CCAR1: variants seen among roughly 807,000 people sequenced by gnomAD.
CCAR1 encodes cell division cycle and apoptosis regulator 1.
A neutral mutation model predicts 163.8 loss-of-function variants in CCAR1; 78 were observed. That is an observed-to-expected ratio of 0.48 (90% CI 0.40 to 0.57). The LOEUF (loss-of-function observed/expected upper bound fraction) is 0.57. Among genes scored for constraint, CCAR1 ranks in the 20% least tolerant of loss-of-function variants. The probability of loss-of-function intolerance (pLI) is 0.00; values close to 1 mark genes in which losing one functional copy is unlikely to be tolerated. For missense variants in CCAR1, 1,019 were observed against 1,365.2 expected (o/e 0.75, Z 4.00); for synonymous variants, 443 against 460.7 (o/e 0.96, Z 0.49).
At chr10:68,775,916 C>T (rs967067813) in intron 19 of CCAR1, among the ~76,000 whole-genome samples, 14 of 151,898 alleles carry the variant, frequency 9.2e-5, no homozygotes, top group Middle Eastern at 3.4e-3. Context: ...AGACTGGTCT[C>T]GAACTCCTGA....
intron 2 of CCAR1, among the ~76,000 whole-genome samples, chr10:68,734,262 A>AT (rs1048139641): frequency 1.1e-4 from 16 of 151,792 alleles, no homozygotes; most frequent in African/African-American, 3.1e-4. Flanking sequence ...ATAAGGCAGC[A>AT]TTTTTTTTCA....
intron 16 of CCAR1, 92 bp downstream of exon 16, chr10:68,761,284 A>T (rs1694493): frequency 0.86 from 450,781 of 522,104 alleles, 195,403 homozygotes; most frequent in Admixed American, 0.91. Context: ...TGTGTGTGTA[A>T]GCTTTTATTT....
At chr10:68,730,484 C>T (rs1382174858) in intron 2 of CCAR1, among the ~76,000 whole-genome samples, 1 of 151,006 alleles carries the variant, frequency 6.6e-6, no homozygotes, top group East Asian at 2.0e-4. Flanking sequence ...ACTACAGGCG[C>T]GTGCCACCAT....
chr10:68,779,640 C>T (rs2056711615), intron 19 of CCAR1, among the ~76,000 whole-genome samples: 1 of 152,160 alleles, frequency 6.6e-6, no homozygotes, highest in African/African-American at 2.4e-5. Context: ...AGGAGTTACA[C>T]TTTCATCACT....
Position 68,748,678 on chromosome 10 carries a change from C to G in CCAR1, c.827-458C>G, listed in dbSNP as rs922693627. Among the ~76,000 whole-genome samples, 5 of 151,906 alleles carry G rather than the reference C, an allele frequency of 3.3e-5. No individual in the cohort carries two copies. In the East Asian group the frequency reaches 7.8e-4, roughly 24 times the overall value. On this transcript the variant is annotated intron_variant, in intron 8 of 24. Transcript: ENST00000265872. ...CTAATTTTTGTATCTTTTGTAGAGA[C>G]AGGGTTTCACCATGATGCCCAGGCT...
chr10:68,755,725 G>A (rs2056390674), intron 13 of CCAR1, among the ~76,000 whole-genome samples, 189 bp downstream of exon 13: 1 of 152,170 alleles, frequency 6.6e-6, no homozygotes, highest in Non-Finnish European at 1.5e-5. Context: ...AAGGGATTAA[G>A]AACTAATCAA....
intron 16 of CCAR1, among the ~76,000 whole-genome samples, chr10:68,761,425 G>A (rs1191182118): frequency 6.6e-6 from 1 of 151,982 alleles, no homozygotes; most frequent in Non-Finnish European, 1.5e-5. Flanking sequence ...TCCTGCCTCA[G>A]CCTCCCGAGT....
chr10:68,757,416 A>C (rs374550059), intron 15 of CCAR1, 39 bp downstream of exon 15: 1 of 1,171,914 alleles, frequency 8.5e-7, no homozygotes, highest in Admixed American at 1.8e-5. Context: ...ATTTTTTTCA[A>C]TTAAAAAGTT....
chr10:68,751,179 C>T (rs946276726), intron 10 of CCAR1, among the ~76,000 whole-genome samples: 1 of 151,932 alleles, frequency 6.6e-6, no homozygotes, highest in African/African-American at 2.4e-5. Context: ...AGGAATGCGC[C>T]ACCACACCTG....
At chr10:68,758,036 T>C (rs2056417608) in intron 15 of CCAR1, among the ~76,000 whole-genome samples, 1 of 152,124 alleles carries the variant, frequency 6.6e-6, no homozygotes, top group Admixed American at 6.6e-5. Context: ...CCACCGTGCC[T>C]GGCCGTAATT....
chr10:68,765,542 A>C (rs2056525400), intron 16 of CCAR1, among the ~76,000 whole-genome samples: 1 of 152,060 alleles, frequency 6.6e-6, no homozygotes, highest in Non-Finnish European at 1.5e-5. Flanking sequence ...TTGTCTTTTT[A>C]GTGTGAGGTT....
chr10:68,783,486 T>C (rs2056760917), intron 19 of CCAR1, among the ~76,000 whole-genome samples: 1 of 152,036 alleles, frequency 6.6e-6, no homozygotes, highest in Non-Finnish European at 1.5e-5. Context: ...TCCATGTCTT[T>C]CTGAAGTTCT....
chr10:68,748,026 G>A (rs182514697), intron 8 of CCAR1, among the ~76,000 whole-genome samples: 54 of 152,104 alleles, frequency 3.6e-4, no homozygotes, highest in African/African-American at 1.2e-3. Context: ...GCAAATTTTT[G>A]TATTTTTAGT....
chr10:68,763,881 A>G (rs1033625927), intron 16 of CCAR1, among the ~76,000 whole-genome samples: 4 of 152,106 alleles, frequency 2.6e-5, no homozygotes, highest in Admixed American at 2.6e-4. Flanking sequence ...AAAGCATTTC[A>G]GTTTTATTTT....
intron 6 of CCAR1, 55 bp downstream of exon 6, chr10:68,742,624 G>A: frequency 5.1e-6 from 7 of 1,359,560 alleles, no homozygotes; most frequent in Non-Finnish European, 7.3e-6. Flanking sequence ...CAAAACACCT[G>A]TTTAGTTGTG....
chr10:68,786,862 A>T (rs2056800985), intron 21 of CCAR1, 170 bp downstream of exon 21: 1 of 515,444 alleles, frequency 1.9e-6, no homozygotes, highest in African/African-American at 2.0e-5. Context: ...AGGCGGGCAG[A>T]TCAGTTGAGG....
At chr10:68,737,112 T>A in intron 3 of CCAR1, 64 bp downstream of exon 3, 2 of 1,052,604 alleles carry the variant, frequency 1.9e-6, no homozygotes, top group Non-Finnish European at 1.4e-6. Context: ...GTAGCTAGCA[T>A]TGCTACCTTC....
intron 19 of CCAR1, among the ~76,000 whole-genome samples, chr10:68,774,684 CA>C (rs542614784): frequency 1.4e-3 from 210 of 151,508 alleles, no homozygotes; most frequent in Non-Finnish European, 2.5e-3. Flanking sequence ...TATCATAATG[CA>C]AAAGAGTACA....
At chr10:68,780,180 A>G (rs1564551471) in intron 19 of CCAR1, among the ~76,000 whole-genome samples, 1 of 152,198 alleles carries the variant, frequency 6.6e-6, no homozygotes, top group Non-Finnish European at 1.5e-5. Flanking sequence ...GTAAATGACT[A>G]GGTTCCAAGG....
Sources: allele counts gnomAD v4.1 joint callset (sites outside exome capture counted in the v4.1 genomes callset), GRCh38; gene constraint gnomAD v4.1.1; transcripts MANE v1.5; gene names NCBI Gene and HGNC (gene_info 2026-07-23, HGNC 2026-07-21).